Variants in L3MBTL4 observed in about 807,000 individuals in gnomAD.
The protein encoded by L3MBTL4 is L3MBTL histone methyl-lysine binding protein 4.
Under a neutral mutation model 84.5 loss-of-function variants are expected in L3MBTL4, and 70 were observed. That is an observed-to-expected ratio of 0.83 (90% CI 0.68 to 1.01). The LOEUF (loss-of-function observed/expected upper bound fraction) is 1.01, where lower values mean the gene tolerates loss of function less well. Ranked by LOEUF, L3MBTL4 falls within the 50% of genes least tolerant of loss-of-function variation. The probability of loss-of-function intolerance (pLI) is 0.00; values close to 1 mark genes in which losing one functional copy is unlikely to be tolerated. For synonymous variants in L3MBTL4, 274 were observed against 259.8 expected, an observed-to-expected ratio of 1.05 and a Z score of -0.52; for missense variants, 715 against 754.8, an observed-to-expected ratio of 0.95 and a Z score of 0.62.
chr18:6,034,082 G>A (rs556103225), intron 16 of L3MBTL4, among the ~76,000 whole-genome samples: 56 of 151,660 alleles, frequency 3.7e-4, no homozygotes, highest in Non-Finnish European at 7.4e-4. Context: ...TGCAGGGCAC[G>A]TCTGGTGGTT....
Position 6,071,700 on chromosome 18 carries a change from AGAAAGAAAGAAAGAAG to A in L3MBTL4, c.1444+9165_1444+9180del, listed in dbSNP as rs1173972284. Among the ~76,000 whole-genome samples, 791 of 114,782 alleles carry A rather than the reference AGAAAGAAAGAAAGAAG, an allele frequency of 6.9e-3. 10 individuals are homozygous for A. The highest frequency in any genetic ancestry group is 0.014 in the African/African-American group (227 of 15,824). The allele number at this position is 114,782 out of a possible 152,430, so 75.3% of individuals were successfully genotyped here. On this transcript the variant is annotated intron_variant, in intron 16 of 18. Transcript: ENST00000317931. The stretch of plus-strand genomic sequence containing the variant: ...AAGAAAGAGAGAAAGAAAGAAAGAA[AGAAAGAAAGAAAGAAG>A]GAAAGAAAGAAGGAAAGAAAGAAGG...
chr18:6,002,858 A>C (rs2054273008), intron 16 of L3MBTL4, among the ~76,000 whole-genome samples: 1 of 151,738 alleles, frequency 6.6e-6, no homozygotes, highest in South Asian at 2.1e-4. Flanking sequence ...AATTACTTTA[A>C]ATGTAAATGA....
At position 6,339,493 on chromosome 18, in the gene L3MBTL4, G is replaced by A. The variant is rs77249704; in HGVS notation, c.-90-27437C>T. 9.3e-3 allele frequency among the ~76,000 whole-genome samples: 1,421 copies of A among 152,206 alleles called. 23 individuals are homozygous for A. Among genetic ancestry groups the A allele is most frequent in the African/African-American group, 0.033 (1,360 of 41,528 alleles). ...AATTTGTGAGATGCAGCTAAATCTC[G>A]TGCTTAGAAAGAAAGTATAGCCTTA... On this transcript the variant is annotated intron_variant, in intron 1 of 18. Coordinates refer to ENST00000317931, the MANE Select transcript of L3MBTL4 (RefSeq NM_001330559.2).
chr18:6,157,276 C>A (rs1301154224), intron 13 of L3MBTL4, among the ~76,000 whole-genome samples: 1 of 152,138 alleles, frequency 6.6e-6, no homozygotes, highest in African/African-American at 2.4e-5. Context: ...CTCTTTAAAA[C>A]AGAATGAAAT....
chr18:5,999,515 G>T (rs1197063114), intron 16 of L3MBTL4, among the ~76,000 whole-genome samples: 1 of 152,146 alleles, frequency 6.6e-6, no homozygotes, highest in Non-Finnish European at 1.5e-5. Flanking sequence ...TGAAAGAAAA[G>T]AACATGTTTT....
intron 16 of L3MBTL4, among the ~76,000 whole-genome samples, chr18:6,005,084 C>T (rs1304088101): frequency 1.5e-5 from 2 of 137,830 alleles, no homozygotes; most frequent in Non-Finnish European, 3.1e-5. Context: ...TGGCTCACAC[C>T]CGTAATCCTA....
At chr18:6,189,243 T>C (rs1273509746) in intron 12 of L3MBTL4, among the ~76,000 whole-genome samples, 1 of 152,214 alleles carries the variant, frequency 6.6e-6, no homozygotes. Context: ...TGTCATTGGA[T>C]TTATGACCCA....
intron 14 of L3MBTL4, among the ~76,000 whole-genome samples, chr18:6,114,664 T>C (rs2059303113): frequency 6.6e-6 from 1 of 152,222 alleles, no homozygotes; most frequent in South Asian, 2.1e-4. Context: ...GCTCAATATC[T>C]GCCATTTGAT....
intron 10 of L3MBTL4, among the ~76,000 whole-genome samples, chr18:6,227,527 C>A (rs1252913466): frequency 6.6e-6 from 1 of 152,186 alleles, no homozygotes; most frequent in African/African-American, 2.4e-5. Context: ...TCACTTATGA[C>A]TTTTACCAAA....
chr18:6,309,782 A>T (rs2050746020), intron 3 of L3MBTL4, among the ~76,000 whole-genome samples: 1 of 152,238 alleles, frequency 6.6e-6, no homozygotes, highest in Non-Finnish European at 1.5e-5. Context: ...TAGGGGGGTA[A>T]CAATCTCAGC....
At chr18:6,292,379 T>TA in intron 4 of L3MBTL4, among the ~76,000 whole-genome samples, 1 of 152,342 alleles carries the variant, frequency 6.6e-6, no homozygotes, top group African/African-American at 2.4e-5. Context: ...CTAATATTTG[T>TA]AAAGTCGACT....
intron 16 of L3MBTL4, among the ~76,000 whole-genome samples, chr18:6,043,956 G>T (rs1222563520): frequency 1.3e-5 from 2 of 152,150 alleles, no homozygotes; most frequent in East Asian, 3.8e-4. Flanking sequence ...CCTCACTACA[G>T]TTTGGTTGAC....
In L3MBTL4 at chr18:6,238,522, G is replaced by A. The variant is rs531625815; in HGVS notation, c.708-482C>T. 4.6e-5 allele frequency among the ~76,000 whole-genome samples: 7 copies of A among 152,006 alleles called. No individual in the cohort carries two copies. The South Asian group carries it at 1.5e-3, about 32-fold the overall frequency. Reference sequence around the variant, plus strand: ...CACTCCAGCCTGGGCAACAGAGCGAGATTCCATCTCAAAAAAAAAAAGTAT... The same window carrying A: ...CACTCCAGCCTGGGCAACAGAGCGAAATTCCATCTCAAAAAAAAAAAGTAT... On this transcript the variant is annotated intron_variant, in intron 9 of 18. Transcript: ENST00000317931.
At chr18:6,197,538 C>T (rs1230280052) in intron 12 of L3MBTL4, among the ~76,000 whole-genome samples, 7 of 152,118 alleles carry the variant, frequency 4.6e-5, no homozygotes, top group Non-Finnish European at 8.8e-5. Context: ...GTTGATTCCA[C>T]GTCTTTGCTA....
intron 1 of L3MBTL4, among the ~76,000 whole-genome samples, chr18:6,368,213 GCT>G (rs2054013526): frequency 6.6e-6 from 1 of 151,974 alleles, no homozygotes; most frequent in Non-Finnish European, 1.5e-5. Flanking sequence ...GCTCTGTGCT[GCT>G]TCTCCATGAC....
intron 1 of L3MBTL4, among the ~76,000 whole-genome samples, chr18:6,361,135 G>A (rs967630147): frequency 2.0e-5 from 3 of 151,990 alleles, no homozygotes; most frequent in Non-Finnish European, 4.4e-5. Flanking sequence ...CCTTATTGAT[G>A]TTTTAACTGT....
chr18:6,189,631 A>C (rs1568284914), intron 12 of L3MBTL4, among the ~76,000 whole-genome samples: 2 of 152,164 alleles, frequency 1.3e-5, no homozygotes, highest in Admixed American at 6.5e-5. Flanking sequence ...TAAATGTAAA[A>C]TTTTTTTAAG....
In L3MBTL4 at chr18:6,358,561, A is replaced by C. The variant is rs982700269; in HGVS notation, c.-90-46505T>G. 6.6e-5 allele frequency among the ~76,000 whole-genome samples: 10 copies of C among 152,200 alleles called. 1 individual carries two copies. Among genetic ancestry groups the C allele is most frequent in the African/African-American group, 2.4e-4 (10 of 41,444 alleles). On this transcript the variant is annotated intron_variant, in intron 1 of 18. Coordinates refer to ENST00000317931, the MANE Select transcript of L3MBTL4 (RefSeq NM_001330559.2). Reference sequence around the variant, plus strand: ...CCAAAAAGAAAGACAGCTGTAGCAAAAGTCTAAGGCTTACGGATAAGAAAG... The same window carrying C: ...CCAAAAAGAAAGACAGCTGTAGCAACAGTCTAAGGCTTACGGATAAGAAAG...
chr18:5,955,420 A>C lies in L3MBTL4; in HGVS notation c.*800T>G, dbSNP rs1292609084. 1.3e-5 allele frequency: 2 copies of C among 152,238 alleles called. No individual in the cohort carries two copies. The highest frequency in any genetic ancestry group is 4.8e-5 in the African/African-American group (2 of 41,406). 9.4% of individuals were successfully genotyped at this position (152,238 alleles called of 1,614,324 possible). A position where few individuals can be genotyped will look rare whatever the true frequency, so the allele number is the denominator to read the frequency against. ...GCCCTTCAGAGTGGGAGCAGGGAGG[A>C]GTTCTGTGCAGGTGAGCGTCTGGCC... On this transcript the variant is annotated 3_prime_UTR_variant, in exon 19 of 19. Coordinates refer to ENST00000317931, the MANE Select transcript of L3MBTL4 (RefSeq NM_001330559.2).
Sources: allele counts gnomAD v4.1 joint callset (sites outside exome capture counted in the v4.1 genomes callset), GRCh38; gene constraint gnomAD v4.1.1; transcripts MANE v1.5; gene names NCBI Gene and HGNC (gene_info 2026-07-23, HGNC 2026-07-21).